The following MCM10 variants were observed in gnomAD, a reference collection of about 807,000 sequenced individuals.
MCM10 encodes minichromosome maintenance 10 replication initiation factor, also known as protein MCM10 homolog.
Under a neutral mutation model 109.9 loss-of-function variants are expected in MCM10, and 91 were observed. The ratio of observed to expected loss-of-function variants is 0.83; its 90% CI spans 0.70 to 0.99. The LOEUF (loss-of-function observed/expected upper bound fraction) is 0.99, where lower values mean the gene tolerates loss of function less well. Ranked by LOEUF, MCM10 falls within the 50% of genes least tolerant of loss-of-function variation. MCM10 has a pLI of 0.00. For synonymous variants in MCM10, 380 were observed against 387.2 expected (o/e 0.98, Z 0.22); for missense variants, 1,077 against 1,061.2 (o/e 1.01, Z -0.21).
At position 13,210,437 on chromosome 10, in the gene MCM10, G is replaced by A. The variant is rs573942510; in HGVS notation, c.*1127G>A. On this transcript the variant is annotated 3_prime_UTR_variant, in exon 20 of 20. Transcript: ENST00000378714. ...ATATCATTTGACCTAAGTGAATGTT[G>A]ATACTAGCTAAAGATTGGGTAAATT... 2.6e-5 allele frequency: 4 copies of A among 152,248 alleles called. No individual in the cohort carries two copies. The South Asian group carries it at 6.2e-4, about 24-fold the overall frequency. 9.4% of individuals were successfully genotyped at this position (152,248 alleles called of 1,614,324 possible). A position where few individuals can be genotyped will look rare whatever the true frequency, so the allele number is the denominator to read the frequency against.
chr10:13,166,925 G>A (rs1428667135), intron 2 of MCM10, among the ~76,000 whole-genome samples: 1 of 151,832 alleles, frequency 6.6e-6, no homozygotes, highest in African/African-American at 2.4e-5. Flanking sequence ...CATCGCTTGA[G>A]GCCAGGAGTT....
intron 14 of MCM10, among the ~76,000 whole-genome samples, chr10:13,196,340 T>A (rs1276986985): frequency 6.6e-6 from 1 of 152,106 alleles, no homozygotes; most frequent in Non-Finnish European, 1.5e-5. Context: ...ATCGAGCCTC[T>A]CTCTTCCCTT....
chr10:13,180,898 C>A (rs1473563823), intron 7 of MCM10, among the ~76,000 whole-genome samples: 1 of 152,196 alleles, frequency 6.6e-6, no homozygotes, highest in Non-Finnish European at 1.5e-5. Flanking sequence ...CCCTGTGACA[C>A]TGTGATCTCT....
rs1055151308 is a variant in MCM10 at position 13,175,652 on chromosome 10, T to G, written c.735T>G (p.Cys245Trp). Reference sequence around the variant, plus strand: ...CTGGGGAAACGACTCAACCCATCTGTGTGGAAGCCTTCTCTGGTCTGCGGC... The same window carrying G: ...CTGGGGAAACGACTCAACCCATCTGGGTGGAAGCCTTCTCTGGTCTGCGGC... ...GSSGETTQPICVEAFSGLRLR... is the reference protein window; with the variant it reads ...GSSGETTQPIWVEAFSGLRLR... The change falls in exon 6 of 20, where the codon TGT becomes TGG. Residue 245 changes from cysteine to tryptophan, a missense_variant. Coordinates refer to ENST00000378714, the MANE Select transcript of MCM10 (RefSeq NM_018518.5). 8.7e-6 allele frequency: 14 copies of G among 1,610,884 alleles called. No homozygotes were observed. The Admixed American group carries it at 1.7e-4, about 19-fold the overall frequency.
chr10:13,173,974 A>G (rs17152903), intron 5 of MCM10, among the ~76,000 whole-genome samples: 6,425 of 152,164 alleles, frequency 0.042, 182 homozygotes, highest in Admixed American at 0.076. Flanking sequence ...TTTCAGGAGA[A>G]TTATCAAACA....
chr10:13,171,045 A>T lies in MCM10; in HGVS notation c.131A>T (p.Glu44Val). The T allele has an allele frequency of 6.2e-7, 1 of 1,614,226 alleles. No individual in the cohort carries two copies. Among genetic ancestry groups the T allele is most frequent in the Non-Finnish European group, 8.5e-7 (1 of 1,180,044 alleles). ...RENGEPDAFD[E>V]LFDADGDGES... ...AATGGCGAGCCCGACGCATTTGATG[A>T]GCTCTTTGATGCCGACGGCGACGGT... Residue 44 changes from glutamate to valine, a missense_variant, in exon 3 of 20, where the codon GAG becomes GTG. By Grantham distance (121) the Glu-to-Val change is moderately radical. Coordinates refer to ENST00000378714, the MANE Select transcript of MCM10 (RefSeq NM_018518.5).
chr10:13,201,909 T>G, intron 17 of MCM10: 1 of 194,514 alleles, frequency 5.1e-6, no homozygotes, highest in Admixed American at 5.6e-5. Context: ...TGGCCTCTCC[T>G]GTTATGATCC....
intron 16 of MCM10, among the ~76,000 whole-genome samples, chr10:13,201,016 G>A (rs1446802047): frequency 6.6e-6 from 1 of 152,098 alleles, no homozygotes; most frequent in African/African-American, 2.4e-5. Context: ...CATGTGGCGG[G>A]CACCTGTAGT....
intron 13 of MCM10, 43 bp from the exon 14 acceptor site, chr10:13,194,998 T>C: frequency 6.4e-7 from 1 of 1,571,224 alleles, no homozygotes; most frequent in Non-Finnish European, 8.7e-7. Context: ...GTTTTTATTT[T>C]CGTAAACCCT....
chr10:13,175,456 C>A, intron 5 of MCM10, 54 bp from the exon 6 acceptor site: 1 of 1,476,408 alleles, frequency 6.8e-7, no homozygotes, highest in Non-Finnish European at 9.5e-7. Context: ...TTTCCAAATT[C>A]CGTTCGTGAT....
intron 3 of MCM10, 113 bp downstream of exon 3, chr10:13,171,376 T>G: frequency 9.5e-7 from 1 of 1,050,624 alleles, no homozygotes; most frequent in Non-Finnish European, 1.3e-6. Context: ...TAAATGACTT[T>G]GTAAAAAAAG....
chr10:13,189,028 C>T lies in MCM10; in HGVS notation c.1363C>T (p.Gln455Ter). 8 of 1,614,214 alleles carry T rather than the reference C, an allele frequency of 5.0e-6. No individual in the cohort carries two copies. Among genetic ancestry groups the T allele is most frequent in the Non-Finnish European group, 6.8e-6 (8 of 1,180,034 alleles). The stretch of plus-strand genomic sequence containing the variant: ...CACCAGCCTCAAAGAACGGCTGTGC[C>T]AAGATGGCTTTTACTACGGAGGGGT... The part of the protein sequence containing the change: ...RGTSLKERLC[Q>*]DGFYYGGVSS... The change falls in exon 10 of 20, where the codon CAA (glutamine) becomes TAA (stop). Residue 455 changes from glutamine (Q) to a stop codon, truncating the protein, a stop_gained. Transcript: ENST00000378714. LOFTEE classifies it high-confidence loss of function.
intron 13 of MCM10, 37 bp from the exon 14 acceptor site, chr10:13,195,004 A>T: frequency 6.3e-6 from 10 of 1,581,106 alleles, no homozygotes; most frequent in Non-Finnish European, 8.7e-6. Context: ...ATTTTCGTAA[A>T]CCCTGTTTGC....
At chr10:13,168,092 T>G (rs984718221) in intron 2 of MCM10, among the ~76,000 whole-genome samples, 1 of 152,186 alleles carries the variant, frequency 6.6e-6, no homozygotes, top group African/African-American at 2.4e-5. Flanking sequence ...CCAGGCAGCA[T>G]TTTCCACCTG....
At chr10:13,161,672 G>A (rs1364728948) in intron 1 of MCM10, 66 bp downstream of exon 1, 1 of 152,260 alleles carries the variant, frequency 6.6e-6, no homozygotes, top group Non-Finnish European at 1.5e-5. Context: ...CGCCTCGCAC[G>A]TCTCTGCGCG....
Position 13,172,307 on chromosome 10 carries a change from C to A in MCM10, c.350-69C>A. The A allele has an allele frequency of 3.4e-6, 4 of 1,163,218 alleles. No individual in the cohort carries two copies. Among genetic ancestry groups the A allele is most frequent in the South Asian group, 2.6e-5 (2 of 77,412 alleles). The allele number at this position is 1,163,218 out of a possible 1,614,324, so 72.1% of individuals were successfully genotyped here. A position where few individuals can be genotyped will look rare whatever the true frequency, so the allele number is the denominator to read the frequency against. On this transcript the variant is annotated intron_variant, in intron 3 of 19. Transcript: ENST00000378714. The surrounding 1 kb of genome is among the most constrained non-coding windows in gnomAD (Gnocchi z 5.2). ...CAGGGAGTGGACAACAAAAATATTGCCCGCATTTTTGTCATGTAGAACGTT... is the reference window on the plus strand; with the variant it reads ...CAGGGAGTGGACAACAAAAATATTGACCGCATTTTTGTCATGTAGAACGTT...
intron 13 of MCM10, 48 bp downstream of exon 13, chr10:13,192,616 G>T: frequency 6.5e-7 from 1 of 1,545,898 alleles, no homozygotes; most frequent in South Asian, 1.1e-5. Flanking sequence ...TCCATCTCAG[G>T]CGTCCTCAGA....
At chr10:13,170,837 C>T in intron 2 of MCM10, 85 bp from the exon 3 acceptor site, 2 of 1,215,130 alleles carry the variant, frequency 1.6e-6, no homozygotes, top group Non-Finnish European at 2.3e-6. Flanking sequence ...TTCTCTTACC[C>T]CCATGGGGTC....
At chr10:13,176,111 G>A (rs537261389) in intron 6 of MCM10, among the ~76,000 whole-genome samples, 7 of 151,888 alleles carry the variant, frequency 4.6e-5, no homozygotes, top group East Asian at 1.9e-4. Flanking sequence ...GGTCTTTTGC[G>A]GTTCTGTATA....
Sources: gnomAD v4.1 joint callset for allele counts (sites outside exome capture counted in the v4.1 genomes callset) on GRCh38, gnomAD v4.1.1 for gene constraint, Gnocchi (gnomAD v3.1) non-coding constraint, MANE v1.5 for transcripts, NCBI Gene and HGNC (gene_info 2026-07-23, HGNC 2026-07-21) for gene names.